KCNT1: variants seen among roughly 807,000 people sequenced by gnomAD.
KCNT1 encodes potassium sodium-activated channel subfamily T member 1, also known as potassium channel subfamily T member 1.
Under a neutral mutation model 147.8 loss-of-function variants are expected in KCNT1, and 78 were observed. That is an observed-to-expected ratio of 0.53 (90% CI 0.44 to 0.64). KCNT1 has a LOEUF of 0.64. Among genes scored for constraint, KCNT1 ranks in the 30% least tolerant of loss-of-function variants. The pLI, the probability that KCNT1 is intolerant of heterozygous loss-of-function variation, is 0.00. For missense variants in KCNT1, 1,419 were observed against 1,750.3 expected (o/e 0.81, Z 3.38); for synonymous variants, 867 against 748.8 (o/e 1.16, Z -2.58).
At chr9:135,721,061 G>A (rs1342386845) in intron 2 of KCNT1, among the ~76,000 whole-genome samples, 1 of 152,236 alleles carries the variant, frequency 6.6e-6, no homozygotes, top group Non-Finnish European at 1.5e-5. Context: ...GAGGAGTCGG[G>A]GAACCATGCA....
At chr9:135,750,218 T>C (rs1588308068) in intron 3 of KCNT1, 41 bp downstream of exon 3, 1 of 1,533,742 alleles carries the variant, frequency 6.5e-7, no homozygotes, top group African/African-American at 1.4e-5. Flanking sequence ...GGCAGGGAGG[T>C]GTTGAGGGCG....
intron 2 of KCNT1, among the ~76,000 whole-genome samples, chr9:135,743,538 C>T (rs1457143377): frequency 6.6e-6 from 1 of 152,132 alleles, no homozygotes; most frequent in African/African-American, 2.4e-5. Flanking sequence ...GGCCAGTGGC[C>T]ACCACCGGAC....
At chr9:135,785,089 G>A (rs994083365) in intron 27 of KCNT1, among the ~76,000 whole-genome samples, 200 bp downstream of exon 27, 3 of 152,190 alleles carry the variant, frequency 2.0e-5, no homozygotes, top group African/African-American at 7.2e-5. Context: ...GTGTGCCCAC[G>A]TGTAGCGCTT....
rs575923090 is a variant in KCNT1, at chr9:135,739,386, C to T, written c.255-10712C>T. Among the ~76,000 whole-genome samples, 78 of 152,060 alleles carry T rather than the reference C, an allele frequency of 5.1e-4. 1 individual carries two copies. The highest frequency in any genetic ancestry group is 1.1e-3 in the Non-Finnish European group (73 of 67,982). Reference sequence around the variant, plus strand: ...GCTGTGGCACGCAGAGCCCCGGCCCCGCCCCAAGCCCCTCGCCCTGATGTT... The same window carrying T: ...GCTGTGGCACGCAGAGCCCCGGCCCTGCCCCAAGCCCCTCGCCCTGATGTT... On this transcript the variant is annotated intron_variant, in intron 2 of 30. Transcript: ENST00000371757.
At position 135,772,740 on chromosome 9, in the gene KCNT1, C is replaced by A; in HGVS notation, c.2034C>A (p.Gly678=). The A allele has an allele frequency of 7.0e-7, 1 of 1,431,988 alleles. No individual in the cohort carries two copies. The allele number at this position is 1,431,988 out of a possible 1,614,324, so 88.7% of individuals were successfully genotyped here. A position where few individuals can be genotyped will look rare whatever the true frequency, so the allele number is the denominator to read the frequency against. The change falls in exon 19 of 31, where the codon GGC becomes GGA. Residue 678 remains glycine, a synonymous_variant. Transcript: ENST00000371757. ...SMGTVAMDLQ[G]TEHRPTQSGG... is the part of the protein sequence containing the mutation. Reference sequence around the variant, plus strand: ...GGACAGTGGCCATGGACCTGCAGGGCACAGAGCACCGGCCTACGCAGAGCG... The same window carrying A: ...GGACAGTGGCCATGGACCTGCAGGGAACAGAGCACCGGCCTACGCAGAGCG...
chr9:135,766,517 T>G (rs1261072279), intron 13 of KCNT1, among the ~76,000 whole-genome samples: 1 of 151,394 alleles, frequency 6.6e-6, no homozygotes, highest in Non-Finnish European at 1.5e-5. Flanking sequence ...CCATCCATGG[T>G]GGACCCTCTT....
chr9:135,736,025 T>C (rs947793870), intron 2 of KCNT1, among the ~76,000 whole-genome samples: 2 of 151,520 alleles, frequency 1.3e-5, no homozygotes, highest in Non-Finnish European at 2.9e-5. Flanking sequence ...ACAGGTGGGA[T>C]CTGTGCCCGG....
At chr9:135,732,001 G>T (rs544768733) in intron 2 of KCNT1, among the ~76,000 whole-genome samples, 1,722 of 55,502 alleles carry the variant, frequency 0.031, 6 homozygotes, top group Non-Finnish European at 0.048. Context: ...TAGAGAGAGA[G>T]AGAGAGAGAG....
At chr9:135,771,622 G>A (rs1429947091) in intron 18 of KCNT1, among the ~76,000 whole-genome samples, 3 of 152,222 alleles carry the variant, frequency 2.0e-5, no homozygotes, top group South Asian at 2.1e-4. Context: ...AGGAGTTGGC[G>A]GAATGAGGTC....
intron 9 of KCNT1, among the ~76,000 whole-genome samples, chr9:135,758,194 C>T (rs1352575815): frequency 6.8e-6 from 1 of 147,638 alleles, no homozygotes; most frequent in African/African-American, 2.5e-5. Context: ...CAGGCTGCCC[C>T]GTGGGCCTCA....
intron 18 of KCNT1, among the ~76,000 whole-genome samples, chr9:135,772,390 C>T (rs1832817501): frequency 6.6e-6 from 1 of 152,148 alleles, no homozygotes; most frequent in South Asian, 2.1e-4. Flanking sequence ...TGCACAGGCC[C>T]CTAAGGCTGA....
chr9:135,752,703 A>C lies in KCNT1; in HGVS notation c.435-1234A>C, dbSNP rs1831252428. 6.8e-6 allele frequency among the ~76,000 whole-genome samples: 1 copy of C among 147,758 alleles called. No homozygotes were observed. The highest frequency in any genetic ancestry group is 2.2e-4 in the South Asian group (1 of 4,616). On this transcript the variant is annotated intron_variant, in intron 4 of 30. Transcript: ENST00000371757. The surrounding 1 kb of genome is among the most constrained non-coding windows in gnomAD (Gnocchi z 5.1). Reference sequence around the variant, plus strand: ...GGATGAGTGGATGGGTGGATAATGGATGGATAGGTGGATGCATGGTGGGTA... The same window carrying C: ...GGATGAGTGGATGGGTGGATAATGGCTGGATAGGTGGATGCATGGTGGGTA...
chr9:135,711,517 C>T (rs1835486416), intron 1 of KCNT1, among the ~76,000 whole-genome samples: 1 of 152,232 alleles, frequency 6.6e-6, no homozygotes, highest in African/African-American at 2.4e-5. Context: ...TCCATGCCAC[C>T]ACCTGGCTTG....
Position 135,771,732 on chromosome 9 carries a change from C to T in KCNT1, c.2008+637C>T, listed in dbSNP as rs78188310. Among the ~76,000 whole-genome samples, 43 of 152,338 alleles carry T rather than the reference C, an allele frequency of 2.8e-4. No homozygotes were observed. The East Asian group carries it at 6.0e-3, about 21-fold the overall frequency. On this transcript the variant is annotated intron_variant, in intron 18 of 30. Coordinates refer to ENST00000371757, the MANE Select transcript of KCNT1 (RefSeq NM_020822.3). ...AGGCTGCCTCTGAGCAGGTGGAGGC[C>T]CATGGCCCCTAGGGCACCACCCATA...
At chr9:135,712,695 G>A (rs901089052) in intron 1 of KCNT1, among the ~76,000 whole-genome samples, 4 of 152,154 alleles carry the variant, frequency 2.6e-5, no homozygotes, top group South Asian at 2.1e-4. Context: ...CTGTAGCCCC[G>A]GCCCTCAGTC....
chr9:135,726,955 TTCTCCCTCTCCCTCTCTTTCCCA>T (rs1836191775), intron 2 of KCNT1, among the ~76,000 whole-genome samples: 1 of 1,650 alleles, frequency 6.1e-4, no homozygotes, highest in Non-Finnish European at 1.0e-3. Flanking sequence ...CTCTTTCCCA[TTCTCCCTCTCCCTCTCTTTCCCA>T]TTCTCTCTCT....
At chr9:135,734,798 C>A (rs1423104057) in intron 2 of KCNT1, among the ~76,000 whole-genome samples, 5 of 152,162 alleles carry the variant, frequency 3.3e-5, no homozygotes, top group Non-Finnish European at 7.4e-5. Flanking sequence ...CGAGCCGCAT[C>A]CGCAGCCCAG....
chr9:135,717,726 CG>C (rs1835776659), intron 2 of KCNT1, among the ~76,000 whole-genome samples: 1 of 152,186 alleles, frequency 6.6e-6, no homozygotes, highest in South Asian at 2.1e-4. Context: ...CCTAGGAGCC[CG>C]GGGAACCCCC....
At chr9:135,735,586 G>C (rs747297796) in intron 2 of KCNT1, among the ~76,000 whole-genome samples, 19 of 152,284 alleles carry the variant, frequency 1.2e-4, no homozygotes, top group Non-Finnish European at 2.2e-4. Flanking sequence ...GAGGGCTTCT[G>C]GTGTGAGTTT....
Sources: allele counts gnomAD v4.1 joint callset (sites outside exome capture counted in the v4.1 genomes callset), GRCh38; gene constraint gnomAD v4.1.1; non-coding constraint Gnocchi (gnomAD v3.1); transcripts MANE v1.5; gene names NCBI Gene and HGNC (gene_info 2026-07-23, HGNC 2026-07-21).